The following CBL variants were observed in gnomAD, a reference collection of about 807,000 sequenced individuals.
The protein encoded by CBL is Cbl proto-oncogene, also known as E3 ubiquitin-protein ligase CBL.
A neutral mutation model predicts 96.9 loss-of-function variants in CBL; 45 were observed. The observed-to-expected ratio is 0.46, with a 90% CI of 0.37 to 0.60. The LOEUF (loss-of-function observed/expected upper bound fraction) is 0.60. Among genes scored for constraint, CBL ranks in the 20% least tolerant of loss-of-function variants. The pLI, the probability that CBL is intolerant of heterozygous loss-of-function variation, is 0.00. For missense variants in CBL, 1,024 were observed against 1,143.5 expected, an observed-to-expected ratio of 0.90 and a Z score of 1.51; for synonymous variants, 420 against 426.8, an observed-to-expected ratio of 0.98 and a Z score of 0.20.
chr11:119,270,092 T>C (rs554116103), intron 2 of CBL, among the ~76,000 whole-genome samples: 14 of 152,246 alleles, frequency 9.2e-5, no homozygotes, highest in African/African-American at 2.9e-4. Flanking sequence ...TAGACACGTA[T>C]TCAGTAGCTT....
chr11:119,251,954 C>G (rs1349796469), intron 2 of CBL, among the ~76,000 whole-genome samples: 3 of 152,166 alleles, frequency 2.0e-5, no homozygotes, highest in Admixed American at 6.5e-5. Context: ...TCCTGCCAGG[C>G]TTTAGTATAC....
At chr11:119,264,487 C>A (rs1949785309) in intron 2 of CBL, among the ~76,000 whole-genome samples, 1 of 144,288 alleles carries the variant, frequency 6.9e-6, no homozygotes, top group Non-Finnish European at 1.5e-5. Context: ...CTTTTCTTTT[C>A]TTTTCTTTTT....
chr11:119,299,369 ACTGAAGAG>A, intron 15 of CBL, 118 bp from the exon 16 acceptor site: 1 of 842,034 alleles, frequency 1.2e-6, no homozygotes, highest in South Asian at 1.6e-5. Context: ...CAGCCTTGTG[ACTGAAGAG>A]CACATGTACC....
At chr11:119,210,611 T>A (rs1019601395) in intron 1 of CBL, among the ~76,000 whole-genome samples, 3 of 146,124 alleles carry the variant, frequency 2.1e-5, no homozygotes, top group Non-Finnish European at 4.5e-5. Context: ...CAATTTTTTT[T>A]TTTTTTTTTT....
chr11:119,243,106 C>T (rs748735210), intron 2 of CBL, among the ~76,000 whole-genome samples: 1 of 151,934 alleles, frequency 6.6e-6, no homozygotes, highest in Non-Finnish European at 1.5e-5. Context: ...AGTGAAACCT[C>T]GTCTCTACTA....
At chr11:119,298,992 C>G (rs772272204) in intron 15 of CBL, among the ~76,000 whole-genome samples, 3 of 152,208 alleles carry the variant, frequency 2.0e-5, no homozygotes, top group Non-Finnish European at 4.4e-5. Flanking sequence ...GGTAGGGCAG[C>G]AGCCAGAGTT....
chr11:119,274,753 G>GTTTT, intron 4 of CBL, 79 bp from the exon 5 acceptor site: 1 of 1,081,676 alleles, frequency 9.2e-7, no homozygotes, highest in Non-Finnish European at 1.3e-6. Flanking sequence ...AGTTGGTGTT[G>GTTTT]TTTTTTTTTT....
intron 11 of CBL, among the ~76,000 whole-genome samples, chr11:119,286,809 C>G (rs1032902254): frequency 3.3e-5 from 5 of 152,092 alleles, no homozygotes; most frequent in South Asian, 2.1e-4. Flanking sequence ...ATGCACTTAA[C>G]AAAAAGTCTT....
chr11:119,274,335 T>A (rs749818548), intron 4 of CBL, among the ~76,000 whole-genome samples: 6 of 152,220 alleles, frequency 3.9e-5, no homozygotes, highest in Non-Finnish European at 8.8e-5. Flanking sequence ...ATGAATATAT[T>A]AGTTTTCTGA....
At chr11:119,287,000 C>G (rs1327562246) in intron 11 of CBL, among the ~76,000 whole-genome samples, 5 of 152,100 alleles carry the variant, frequency 3.3e-5, no homozygotes, top group African/African-American at 1.2e-4. Flanking sequence ...TGAGCAGAAA[C>G]CTGTAGCAGT....
chr11:119,284,858 C>T lies in CBL; in HGVS notation c.1432-111C>T, dbSNP rs1949967799. On this transcript the variant is annotated intron_variant, in intron 9 of 15. Transcript: ENST00000264033. ...TGCGACCTCAAACCTAGGTCTGGCC[C>T]ATTTGTAGTTTAAGTGTTCCCATGG... 4.5e-6 allele frequency: 6 copies of T among 1,325,060 alleles called. No homozygotes were observed. In the East Asian group the frequency reaches 9.2e-5, roughly 20 times the overall value. The allele number at this position is 1,325,060 out of a possible 1,614,324, so 82.1% of individuals were successfully genotyped here.
At chr11:119,212,170 CG>C (rs906572138) in intron 1 of CBL, among the ~76,000 whole-genome samples, 1 of 151,878 alleles carries the variant, frequency 6.6e-6, no homozygotes, top group Admixed American at 6.6e-5. Flanking sequence ...CTGCCTGCCT[CG>C]GTCTTCCAAA....
intron 12 of CBL, among the ~76,000 whole-genome samples, chr11:119,288,833 A>C (rs1231342019): frequency 1.3e-5 from 2 of 152,146 alleles, no homozygotes; most frequent in African/African-American, 2.4e-5. Flanking sequence ...TATTGATGAA[A>C]ATCTATGCGC....
intron 1 of CBL, among the ~76,000 whole-genome samples, chr11:119,232,191 C>T (rs1004606909): frequency 2.6e-5 from 4 of 152,078 alleles, no homozygotes; most frequent in Admixed American, 6.6e-5. Flanking sequence ...TGGATGTTTT[C>T]CCCTAGTTGT....
At chr11:119,243,755 A>C (rs1399940357) in intron 2 of CBL, among the ~76,000 whole-genome samples, 1 of 151,620 alleles carries the variant, frequency 6.6e-6, no homozygotes, top group East Asian at 1.9e-4. Context: ...TTTGGGAGGC[A>C]GGGTCTCTTG....
intron 1 of CBL, among the ~76,000 whole-genome samples, chr11:119,215,591 G>A (rs971832575): frequency 6.6e-6 from 1 of 151,678 alleles, no homozygotes; most frequent in African/African-American, 2.4e-5. Context: ...GTTTAAACCC[G>A]CCCGGGAGGG....
At chr11:119,225,610 G>A (rs151003685) in intron 1 of CBL, among the ~76,000 whole-genome samples, 1 of 151,880 alleles carries the variant, frequency 6.6e-6, no homozygotes, top group African/African-American at 2.4e-5. Flanking sequence ...TGTTGTCCAG[G>A]CTAGTCTTGA....
At chr11:119,256,448 T>C (rs965525573) in intron 2 of CBL, among the ~76,000 whole-genome samples, 5 of 152,340 alleles carry the variant, frequency 3.3e-5, no homozygotes, top group Non-Finnish European at 5.9e-5. Flanking sequence ...CCCAGAGTGC[T>C]GGGATTATAG....
chr11:119,307,621 T>G lies in CBL; in HGVS notation c.*7840T>G, dbSNP rs1950155808. The G allele has an allele frequency of 4.3e-6, 1 of 231,108 alleles. No individual in the cohort carries two copies. 14.3% of individuals were successfully genotyped at this position (231,108 alleles called of 1,614,324 possible). On this transcript the variant is annotated 3_prime_UTR_variant, in exon 16 of 16. Coordinates refer to ENST00000264033, the MANE Select transcript of CBL (RefSeq NM_005188.4). ...CTTTAGCAAAAGTTTTTCTATATAA[T>G]GACATCTTACTTATCTTTTACCCTT...
Sources: allele counts gnomAD v4.1 joint callset (sites outside exome capture counted in the v4.1 genomes callset), GRCh38; gene constraint gnomAD v4.1.1; transcripts MANE v1.5; gene names NCBI Gene and HGNC (gene_info 2026-07-23, HGNC 2026-07-21).